Variants in ANKUB1 observed in about 807,000 individuals in gnomAD.
ANKUB1 encodes ankyrin repeat and ubiquitin domain containing 1.
A neutral mutation model predicts 49.3 loss-of-function variants in ANKUB1; 42 were observed. That is an observed-to-expected ratio of 0.85 (90% CI 0.67 to 1.10). The LOEUF (loss-of-function observed/expected upper bound fraction) is 1.10. Among genes scored for constraint, ANKUB1 ranks in the 50% least tolerant of loss-of-function variants. The pLI is 0.00. For missense variants in ANKUB1, 613 were observed against 642.0 expected (o/e 0.95, Z 0.49); for synonymous variants, 222 against 231.0 (o/e 0.96, Z 0.35).
At position 149,792,352 on chromosome 3, in the gene ANKUB1, G is replaced by T. The variant is rs747326271; in HGVS notation, c.15C>A (p.Ile5=). Residue 5 remains isoleucine, a synonymous_variant, in exon 1 of 6, where the codon ATC becomes ATA. Transcript: ENST00000446160. ...ACGGTTCAAAAGATCCTTCAAAGGC[G>T]ATGAAAATCCTCATTGTACAATTAC... The part of the protein sequence containing the change: MRIF[I]AFEGSFEPFD... 6.6e-7 allele frequency: 1 copy of T among 1,511,492 alleles called. No individual in the cohort carries two copies. Among genetic ancestry groups the T allele is most frequent in the Non-Finnish European group, 8.9e-7 (1 of 1,125,788 alleles). The allele number at this position is 1,511,492 out of a possible 1,614,324, so 93.6% of individuals were successfully genotyped here.
chr3:149,775,842 A>G (rs1313172049), intron 3 of ANKUB1, among the ~76,000 whole-genome samples: 1 of 152,114 alleles, frequency 6.6e-6, no homozygotes, highest in Non-Finnish European at 1.5e-5. Flanking sequence ...TCAGAGCTAG[A>G]AGCAGGTCTA....
Position 149,768,045 on chromosome 3 carries a change from T to TCAATGTACCCACAAAAAGCAG in ANKUB1, c.596_616dup (p.Ala199_Ile205dup). 1 of 1,456,754 alleles carries TCAATGTACCCACAAAAAGCAG rather than the reference T, an allele frequency of 6.9e-7. No individual in the cohort carries two copies. The allele number at this position is 1,456,754 out of a possible 1,614,324, so 90.2% of individuals were successfully genotyped here. ...CTGCTTCAGGGCCCATTCAGTGAGT[T>TCAATGTACCCACAAAAAGCAG]CAATGTACCCACAAAAAGCAGCAAT... On this transcript the variant is annotated inframe_insertion, in exon 5 of 6. Transcript: ENST00000446160.
Position 149,777,515 on chromosome 3 carries a change from G to A in ANKUB1, c.451+2724C>T, listed in dbSNP as rs142838210. On this transcript the variant is annotated intron_variant, in intron 3 of 5. Coordinates refer to ENST00000446160, the MANE Select transcript of ANKUB1 (RefSeq NM_001144960.3). The stretch of plus-strand genomic sequence containing the variant: ...ACAACAACAACAAAAAAACACTCCT[G>A]TTCCAGAAGGTGCATGGCTCTAGCT... Among the ~76,000 whole-genome samples, 14 of 151,656 alleles carry A rather than the reference G, an allele frequency of 9.2e-5. No homozygotes were observed. In the East Asian group the frequency reaches 2.3e-3, roughly 25 times the overall value.
chr3:149,764,071 C>T (rs1716888863), intron 5 of ANKUB1: 2 of 455,356 alleles, frequency 4.4e-6, no homozygotes, highest in South Asian at 1.6e-5. Flanking sequence ...TAGGTTCTTC[C>T]CCATTTCCTG....
intron 3 of ANKUB1, among the ~76,000 whole-genome samples, chr3:149,772,964 T>C (rs1415798807): frequency 6.6e-6 from 1 of 152,126 alleles, no homozygotes; most frequent in African/African-American, 2.4e-5. Context: ...TGAAGATAGA[T>C]CTTAAAAGAC....
intron 2 of ANKUB1, among the ~76,000 whole-genome samples, chr3:149,790,024 C>T (rs115254424): frequency 0.013 from 1,972 of 152,194 alleles, 33 homozygotes; most frequent in African/African-American, 0.044. Flanking sequence ...CACCATTTAG[C>T]GGAGAATGTA....
At chr3:149,785,567 A>G (rs972262686) in intron 2 of ANKUB1, among the ~76,000 whole-genome samples, 1 of 152,138 alleles carries the variant, frequency 6.6e-6, no homozygotes, top group Non-Finnish European at 1.5e-5. Flanking sequence ...AGCTTCATCC[A>G]TGTCCCTACA....
At chr3:149,771,692 G>A (rs77081586) in intron 3 of ANKUB1, among the ~76,000 whole-genome samples, 2,661 of 151,892 alleles carry the variant, frequency 0.018, 88 homozygotes, top group African/African-American at 0.061. Context: ...ATTCCTTCAC[G>A]ACTTGCCGTA....
At chr3:149,780,528 T>C in intron 2 of ANKUB1, 73 bp from the exon 3 acceptor site, 1 of 1,127,400 alleles carries the variant, frequency 8.9e-7, no homozygotes, top group South Asian at 1.4e-5. Context: ...AGAGGGTAGC[T>C]TTGAGCACCT....
intron 3 of ANKUB1, among the ~76,000 whole-genome samples, chr3:149,774,038 A>G (rs1390962166): frequency 3.3e-5 from 5 of 152,158 alleles, no homozygotes; most frequent in East Asian, 1.9e-4. Context: ...GAGGGTTGGT[A>G]GGAAGTCAGT....
intron 2 of ANKUB1, among the ~76,000 whole-genome samples, chr3:149,784,421 G>A (rs1718002149): frequency 6.6e-6 from 1 of 152,130 alleles, no homozygotes; most frequent in Non-Finnish European, 1.5e-5. Flanking sequence ...GAGCCAATAA[G>A]GCAGAGAAGC....
At chr3:149,790,657 A>C (rs1718319053) in intron 2 of ANKUB1, 124 bp downstream of exon 2, 1 of 926,522 alleles carries the variant, frequency 1.1e-6, no homozygotes, top group Non-Finnish European at 1.6e-6. Context: ...TACAAATGGA[A>C]GTGAGGAGAA....
intron 3 of ANKUB1, among the ~76,000 whole-genome samples, chr3:149,773,845 A>C (rs1717468343): frequency 6.6e-6 from 1 of 152,124 alleles, no homozygotes; most frequent in Admixed American, 6.5e-5. Context: ...CCAGAGAACA[A>C]CCTTAATTCC....
intron 2 of ANKUB1, among the ~76,000 whole-genome samples, chr3:149,785,662 G>A (rs971892911): frequency 1.6e-4 from 25 of 152,142 alleles, no homozygotes; most frequent in African/African-American, 6.0e-4. Flanking sequence ...GTCTATCACT[G>A]ATGGACATTT....
At chr3:149,769,148 C>G (rs1559863331) in intron 4 of ANKUB1, among the ~76,000 whole-genome samples, 1 of 152,138 alleles carries the variant, frequency 6.6e-6, no homozygotes, top group Non-Finnish European at 1.5e-5. Context: ...CTCAGACCTC[C>G]TGGTGTGTTG....
chr3:149,781,850 A>G (rs1717885834), intron 2 of ANKUB1, among the ~76,000 whole-genome samples: 1 of 152,210 alleles, frequency 6.6e-6, no homozygotes, highest in Non-Finnish European at 1.5e-5. Context: ...GTGGCTGTGC[A>G]TGAAGCCAGA....
In ANKUB1 at chr3:149,790,791, C is replaced by A; in HGVS notation, c.224G>T (p.Cys75Phe). The change falls in exon 2 of 6, where the codon TGC becomes TTC. Residue 75 changes from cysteine to phenylalanine, a missense_variant. Transcript: ENST00000446160. ...VGISFCSTLKCFVKEEDKPTL... is the reference protein window; with the variant it reads ...VGISFCSTLKFFVKEEDKPTL... ...TCCTGACCATCATACCTTAACAAAG[C>A]ATTTGAGAGTTGAACAGAAAGATAT... is the stretch of plus-strand genomic sequence containing the variant. The A allele has an allele frequency of 1.3e-6, 2 of 1,550,760 alleles. No homozygotes were observed. The highest frequency in any genetic ancestry group is 1.2e-5 in the South Asian group (1 of 83,880).
Position 149,792,479 on chromosome 3 carries a change from G to T in ANKUB1, c.-113C>A. On this transcript the variant is annotated 5_prime_UTR_variant, in exon 1 of 6. Coordinates refer to ENST00000446160, the MANE Select transcript of ANKUB1 (RefSeq NM_001144960.3). ...ACAAAAATGATAGCCAGAGGCAGCTGTCACTGTCTAGCCTCAAAGGTAAGT... is the reference window on the plus strand; with the variant it reads ...ACAAAAATGATAGCCAGAGGCAGCTTTCACTGTCTAGCCTCAAAGGTAAGT... 1 of 721,004 alleles carries T rather than the reference G, an allele frequency of 1.4e-6. No homozygotes were observed. The highest frequency in any genetic ancestry group is 2.1e-6 in the Non-Finnish European group (1 of 468,420). 44.7% of individuals were successfully genotyped at this position (721,004 alleles called of 1,614,324 possible).
At chr3:149,788,807 C>T (rs1412477213) in intron 2 of ANKUB1, among the ~76,000 whole-genome samples, 1 of 152,062 alleles carries the variant, frequency 6.6e-6, no homozygotes, top group East Asian at 1.9e-4. Flanking sequence ...GACAGAGTCT[C>T]ACTCTATCAC....
Sources: allele counts gnomAD v4.1 joint callset (sites outside exome capture counted in the v4.1 genomes callset), GRCh38; gene constraint gnomAD v4.1.1; transcripts MANE v1.5; gene names NCBI Gene and HGNC (gene_info 2026-07-23, HGNC 2026-07-21).